Variants in TXNDC12 observed in about 807,000 individuals in gnomAD.
TXNDC12 encodes the protein thioredoxin domain containing 12.
TXNDC12 carries 22 observed loss-of-function variants against 24.2 expected under a neutral mutation model. The observed-to-expected ratio is 0.91, with a 90% CI of 0.65 to 1.30. The LOEUF (loss-of-function observed/expected upper bound fraction) is 1.30, where lower values mean the gene tolerates loss of function less well. TXNDC12 is among the 50% of genes most tolerant of loss of function. The probability of loss-of-function intolerance (pLI) is 0.00; values close to 1 mark genes in which losing one functional copy is unlikely to be tolerated. For synonymous variants in TXNDC12, 58 were observed against 73.4 expected, an observed-to-expected ratio of 0.79 and a Z score of 1.07; for missense variants, 184 against 205.8, an observed-to-expected ratio of 0.89 and a Z score of 0.65.
chr1:52,031,889 G>T (rs529919751), intron 2 of TXNDC12, among the ~76,000 whole-genome samples: 2 of 152,302 alleles, frequency 1.3e-5, no homozygotes, highest in Admixed American at 6.5e-5. Context: ...AATGAAGAAT[G>T]AAAGACAAGC....
At chr1:52,021,860 C>T (rs571173515) in intron 6 of TXNDC12, among the ~76,000 whole-genome samples, 29 of 152,282 alleles carry the variant, frequency 1.9e-4, no homozygotes, top group Admixed American at 3.3e-4. Context: ...TTTAGTAAAG[C>T]TGGGTTTGAA....
intron 2 of TXNDC12, among the ~76,000 whole-genome samples, chr1:52,040,637 A>C (rs1462753962): frequency 6.6e-6 from 1 of 152,216 alleles, no homozygotes; most frequent in Non-Finnish European, 1.5e-5. Flanking sequence ...TATGCTGTTC[A>C]TCTGCAAGTT....
At chr1:52,032,805 A>C (rs1439569230) in intron 2 of TXNDC12, 1 of 1,613,934 alleles carries the variant, frequency 6.2e-7, no homozygotes, top group East Asian at 2.2e-5. Flanking sequence ...GACGAAGGCG[A>C]CTCAGTTCTG....
Position 52,055,133 on chromosome 1 carries a change from G to T in TXNDC12, c.-37C>A. On this transcript the variant is annotated 5_prime_UTR_variant, in exon 1 of 7. Transcript: ENST00000371626. ...CGCGGGGCCACGGGGCTGAGCGGACGCAGGGCCGGAGTCCCAGCAGACGGT... is the reference window on the plus strand; with the variant it reads ...CGCGGGGCCACGGGGCTGAGCGGACTCAGGGCCGGAGTCCCAGCAGACGGT... 6.7e-7 allele frequency: 1 copy of T among 1,481,656 alleles called. No homozygotes were observed. Among genetic ancestry groups the T allele is most frequent in the Non-Finnish European group, 9.4e-7 (1 of 1,060,372 alleles). 91.8% of individuals were successfully genotyped at this position (1,481,656 alleles called of 1,614,324 possible).
chr1:52,031,855 A>G (rs1018206887), intron 2 of TXNDC12, among the ~76,000 whole-genome samples: 67 of 152,368 alleles, frequency 4.4e-4, no homozygotes, highest in African/African-American at 1.6e-3. Flanking sequence ...TAAAGTAGGT[A>G]CCTACCATTT....
At chr1:52,025,957 T>A (rs997339549) in intron 4 of TXNDC12, among the ~76,000 whole-genome samples, 1 of 151,972 alleles carries the variant, frequency 6.6e-6, no homozygotes, top group Non-Finnish European at 1.5e-5. Flanking sequence ...GGCTCCCTAG[T>A]AGCTGGGACT....
At chr1:52,051,365 G>A (rs917553513) in intron 1 of TXNDC12, among the ~76,000 whole-genome samples, 1 of 152,040 alleles carries the variant, frequency 6.6e-6, no homozygotes, top group African/African-American at 2.4e-5. Context: ...TACAATCCAG[G>A]CCTCCTAATT....
At chr1:52,051,400 G>C (rs2124395603) in intron 1 of TXNDC12, among the ~76,000 whole-genome samples, 1 of 152,186 alleles carries the variant, frequency 6.6e-6, no homozygotes, top group Non-Finnish European at 1.5e-5. Context: ...TTTTGAGACA[G>C]AGTATCACTC....
At chr1:52,034,028 G>A (rs1685836946) in intron 2 of TXNDC12, 1 of 1,380,988 alleles carries the variant, frequency 7.2e-7, no homozygotes, top group Non-Finnish European at 9.3e-7. Context: ...GCGAAAGACT[G>A]CCCGTCCATT....
chr1:52,050,075 T>C (rs1282181964), intron 1 of TXNDC12, among the ~76,000 whole-genome samples: 1 of 152,208 alleles, frequency 6.6e-6, no homozygotes, highest in African/African-American at 2.4e-5. Context: ...AGAATCTAGG[T>C]GGTTGGGTTC....
intron 1 of TXNDC12, among the ~76,000 whole-genome samples, chr1:52,048,504 C>T (rs1324353161): frequency 6.9e-6 from 1 of 143,908 alleles, no homozygotes; most frequent in Non-Finnish European, 1.5e-5. Flanking sequence ...ATGCCTAAAA[C>T]AGAAGGACTT....
intron 2 of TXNDC12, among the ~76,000 whole-genome samples, chr1:52,029,261 T>C (rs964652049): frequency 5.9e-5 from 9 of 152,214 alleles, no homozygotes; most frequent in Non-Finnish European, 1.0e-4. Flanking sequence ...ATAAAATATG[T>C]ACAGAGAAAA....
At chr1:52,035,651 G>A (rs1259976395) in intron 2 of TXNDC12, among the ~76,000 whole-genome samples, 1 of 152,164 alleles carries the variant, frequency 6.6e-6, no homozygotes, top group Non-Finnish European at 1.5e-5. Flanking sequence ...TGCGGAGGTT[G>A]CAGTGAGCCT....
chr1:52,030,024 T>C (rs985334321), intron 2 of TXNDC12, among the ~76,000 whole-genome samples: 4 of 152,124 alleles, frequency 2.6e-5, no homozygotes, highest in African/African-American at 4.8e-5. Context: ...GGTCTCACAA[T>C]AGAAATGAGA....
chr1:52,045,079 A>T (rs1306460466), intron 1 of TXNDC12, among the ~76,000 whole-genome samples: 2 of 152,200 alleles, frequency 1.3e-5, no homozygotes, highest in Non-Finnish European at 2.9e-5. Flanking sequence ...ATGCAGTGAT[A>T]AAAGGAAAGG....
At chr1:52,036,854 C>G (rs1685891900) in intron 2 of TXNDC12, among the ~76,000 whole-genome samples, 1 of 152,200 alleles carries the variant, frequency 6.6e-6, no homozygotes. Context: ...AAGATCATAT[C>G]TTAAAACCCT....
intron 2 of TXNDC12, among the ~76,000 whole-genome samples, chr1:52,029,641 C>T (rs919615729): frequency 5.9e-5 from 9 of 152,178 alleles, no homozygotes; most frequent in African/African-American, 2.2e-4. Flanking sequence ...CTTGGAGATT[C>T]CTAAGACAAG....
chr1:52,056,051 A>G (rs937544845), upstream of TXNDC12: 19 of 152,288 alleles, frequency 1.2e-4, no homozygotes, highest in African/African-American at 2.4e-4. Context: ...CCAAATAAAA[A>G]CATACCGACC....
intron 2 of TXNDC12, among the ~76,000 whole-genome samples, chr1:52,031,852 G>A (rs1005606985): frequency 3.3e-5 from 5 of 152,144 alleles, no homozygotes; most frequent in African/African-American, 1.2e-4. Context: ...TGTTAAAGTA[G>A]GTACCTACCA....
Sources: gnomAD v4.1 joint callset for allele counts (sites outside exome capture counted in the v4.1 genomes callset) on GRCh38, gnomAD v4.1.1 for gene constraint, MANE v1.5 for transcripts, NCBI Gene and HGNC (gene_info 2026-07-23, HGNC 2026-07-21) for gene names.